The following SRGAP2 variants were observed in gnomAD, a reference collection of about 807,000 sequenced individuals.
The protein encoded by SRGAP2 is SLIT-ROBO Rho GTPase-activating protein 2.
Under a neutral mutation model 57.2 loss-of-function variants are expected in SRGAP2, and 15 were observed. That is an observed-to-expected ratio of 0.26 (90% confidence interval 0.18 to 0.40). The LOEUF is 0.40. Ranked by LOEUF, SRGAP2 falls within the 10% of genes least tolerant of loss-of-function variation. The pLI, the probability that SRGAP2 is intolerant of heterozygous loss-of-function variation, is 1.00. For synonymous variants in SRGAP2, 249 were observed against 248.0 expected (o/e 1.00, Z -0.04); for missense variants, 520 against 669.6 (o/e 0.78, Z 2.47).
chr1:206,283,571 G>A (rs1670854902), intron 2 of SRGAP2, among the ~76,000 whole-genome samples: 1 of 149,922 alleles, frequency 6.7e-6, no homozygotes, highest in Non-Finnish European at 1.5e-5. Context: ...CTACTCGGGA[G>A]GCTGAGGCTC....
At chr1:206,319,386 GGGT>G (rs1218811912) in intron 3 of SRGAP2, among the ~76,000 whole-genome samples, 1 of 151,696 alleles carries the variant, frequency 6.6e-6, no homozygotes, top group African/African-American at 2.4e-5. Flanking sequence ...ACTCCAGCCT[GGGT>G]GACAGAGCGA....
chr1:206,349,584 T>G (rs537948466), intron 4 of SRGAP2, among the ~76,000 whole-genome samples: 2,942 of 144,250 alleles, frequency 0.02, 85 homozygotes, highest in African/African-American at 0.068. Context: ...TGTAATACTT[T>G]GCAGATATGA....
intron 2 of SRGAP2, among the ~76,000 whole-genome samples, chr1:206,225,483 G>A (rs1472530268): frequency 6.6e-6 from 1 of 151,276 alleles, no homozygotes; most frequent in Non-Finnish European, 1.5e-5. Flanking sequence ...CCAGGAAGAG[G>A]TGCAGCAGTT....
rs549836190 is a variant in SRGAP2, at chr1:206,249,381, G to A, written c.67+43344G>A. Among the ~76,000 whole-genome samples, 9 of 152,264 alleles carry A rather than the reference G, an allele frequency of 5.9e-5. 1 individual carries two copies. The South Asian group carries it at 1.9e-3, about 32-fold the overall frequency. ...TGATAGACTGGATAAAGAAAATATG[G>A]CAGGTAAACACCATGGAATACTATG... On this transcript the variant is annotated intron_variant, in intron 2 of 22. Coordinates refer to ENST00000573034, the MANE Select transcript of SRGAP2 (RefSeq NM_015326.5).
chr1:206,398,793 T>C (rs1467895567), intron 7 of SRGAP2, among the ~76,000 whole-genome samples: 1 of 152,204 alleles, frequency 6.6e-6, no homozygotes, highest in Non-Finnish European at 1.5e-5. Context: ...TGTTTCTAAG[T>C]AGAGGCCAGG....
At chr1:206,417,645 C>G (rs1468172818) in intron 11 of SRGAP2, among the ~76,000 whole-genome samples, 1 of 151,944 alleles carries the variant, frequency 6.6e-6, no homozygotes, top group Admixed American at 6.6e-5. Flanking sequence ...GTCTCAAACT[C>G]CTGACCTCAG....
At chr1:206,384,428 C>T (rs868924273) in intron 5 of SRGAP2, among the ~76,000 whole-genome samples, 1 of 151,020 alleles carries the variant, frequency 6.6e-6, no homozygotes, top group Middle Eastern at 3.2e-3. Context: ...GCCTGCATTG[C>T]ACTATTAATA....
intron 10 of SRGAP2, among the ~76,000 whole-genome samples, chr1:206,412,660 A>T (rs1290430859): frequency 6.6e-6 from 1 of 152,228 alleles, no homozygotes; most frequent in East Asian, 1.9e-4. Flanking sequence ...TCCAGAAGTC[A>T]TTAAAAGCCA....
chr1:206,314,210 C>T (rs1672900214), intron 3 of SRGAP2, among the ~76,000 whole-genome samples: 1 of 151,316 alleles, frequency 6.6e-6, no homozygotes, highest in South Asian at 2.1e-4. Context: ...TCTCAGCTCA[C>T]TGCATCCTCT....
intron 21 of SRGAP2, chr1:206,455,261 T>C (rs1663731650): frequency 1.8e-6 from 1 of 563,118 alleles, no homozygotes; most frequent in South Asian, 2.0e-5. Context: ...GAAGGGTGCT[T>C]TACTGTGTGT....
chr1:206,404,471 C>T (rs1224789519), intron 8 of SRGAP2, among the ~76,000 whole-genome samples: 4 of 151,754 alleles, frequency 2.6e-5, no homozygotes, highest in Non-Finnish European at 1.5e-5. Flanking sequence ...GGTCCTGCCT[C>T]CCAACTCTCT....
chr1:206,266,532 C>T (rs1317669028), intron 2 of SRGAP2, among the ~76,000 whole-genome samples: 23 of 152,294 alleles, frequency 1.5e-4, no homozygotes, highest in Non-Finnish European at 1.2e-4. Flanking sequence ...CATGAGCCAC[C>T]ACGCCCGACC....
At position 206,458,931 on chromosome 1, in the gene SRGAP2, C is replaced by G; in HGVS notation, c.2816C>G (p.Pro939Arg). 1 of 773,410 alleles carries G rather than the reference C, an allele frequency of 1.3e-6. No individual in the cohort carries two copies. 47.9% of individuals were successfully genotyped at this position (773,410 alleles called of 1,614,324 possible). A position where few individuals can be genotyped will look rare whatever the true frequency, so the allele number is the denominator to read the frequency against. ...KSFNNHRPMD[P>R]EVIAQDIEAT... The stretch of plus-strand genomic sequence containing the variant: ...TTCAATAACCATCGGCCCATGGACC[C>G]TGAGGTCATTGCTCAGGTAACTGTG... Residue 939 changes from proline to arginine, a missense_variant, in exon 22 of 23, where the codon CCT becomes CGT. Pro to Arg is a moderately radical substitution (Grantham distance 103). Coordinates refer to ENST00000573034, the MANE Select transcript of SRGAP2 (RefSeq NM_015326.5).
intron 2 of SRGAP2, among the ~76,000 whole-genome samples, chr1:206,283,692 A>T (rs1395518363): frequency 6.6e-6 from 1 of 151,368 alleles, no homozygotes; most frequent in Non-Finnish European, 1.5e-5. Flanking sequence ...AAAAAAAATG[A>T]ACTTCTTTCA....
intron 10 of SRGAP2, among the ~76,000 whole-genome samples, chr1:206,415,627 G>T (rs1264659025): frequency 6.6e-6 from 1 of 152,174 alleles, no homozygotes; most frequent in Non-Finnish European, 1.5e-5. Flanking sequence ...GAAACTGCAG[G>T]AGAGGGGCTC....
chr1:206,379,114 G>A (rs1376863040), intron 4 of SRGAP2, among the ~76,000 whole-genome samples: 3 of 152,104 alleles, frequency 2.0e-5, no homozygotes, highest in Admixed American at 1.3e-4. Flanking sequence ...CCGTCTCATG[G>A]TATCCTCACT....
chr1:206,231,274 T>TAAAACATTTTAAGAC (rs1667622702), intron 2 of SRGAP2, among the ~76,000 whole-genome samples: 1 of 152,068 alleles, frequency 6.6e-6, no homozygotes, highest in Non-Finnish European at 1.5e-5. Flanking sequence ...CTGGTAGCTT[T>TAAAACATTTTAAGAC]ATCTCTTTAA....
chr1:206,351,877 T>C (rs1200390155), intron 4 of SRGAP2, among the ~76,000 whole-genome samples: 9 of 152,238 alleles, frequency 5.9e-5, no homozygotes, highest in African/African-American at 2.2e-4. Context: ...ATGTCTGTAG[T>C]CTTTTGCTTA....
chr1:206,237,247 G>A (rs1667966153), intron 2 of SRGAP2, among the ~76,000 whole-genome samples: 1 of 152,108 alleles, frequency 6.6e-6, no homozygotes, highest in African/African-American at 2.4e-5. Context: ...GGGCGACAGA[G>A]CCACTGCACT....
Sources: allele counts gnomAD v4.1 joint callset (sites outside exome capture counted in the v4.1 genomes callset), GRCh38; gene constraint gnomAD v4.1.1; transcripts MANE v1.5; gene names NCBI Gene and HGNC (gene_info 2026-07-23, HGNC 2026-07-21).